Variants in DPF3 observed in about 807,000 individuals in gnomAD.
DPF3 encodes double PHD fingers 3, also known as zinc finger protein DPF3.
A neutral mutation model predicts 56.8 loss-of-function variants in DPF3; 18 were observed. That is an observed-to-expected ratio of 0.32 (90% CI 0.22 to 0.47). The LOEUF (loss-of-function observed/expected upper bound fraction) is 0.47. Among genes scored for constraint, DPF3 ranks in the 20% least tolerant of loss-of-function variants. DPF3 has a pLI of 1.00. For missense variants in DPF3, 403 were observed against 488.8 expected, an observed-to-expected ratio of 0.82 and a Z score of 1.65; for synonymous variants, 188 against 180.2, an observed-to-expected ratio of 1.04 and a Z score of -0.35.
chr14:72,743,792 G>A (rs191617874), intron 3 of DPF3, among the ~76,000 whole-genome samples: 15 of 152,282 alleles, frequency 9.9e-5, no homozygotes, highest in East Asian at 1.9e-4. Flanking sequence ...GAGATGGTCC[G>A]GGGGAGGCCC....
chr14:72,655,120 T>C (rs958375744), intron 8 of DPF3, among the ~76,000 whole-genome samples: 3 of 152,200 alleles, frequency 2.0e-5, no homozygotes, highest in Non-Finnish European at 4.4e-5. Context: ...ATATGTATGG[T>C]CCACAGAAAG....
intron 1 of DPF3, among the ~76,000 whole-genome samples, chr14:72,829,099 AC>A (rs779685275): frequency 1.8e-4 from 28 of 151,898 alleles, no homozygotes; most frequent in African/African-American, 6.3e-4. Context: ...TCTGGTAGAA[AC>A]CTCTTAGTCT....
intron 2 of DPF3, among the ~76,000 whole-genome samples, chr14:72,762,115 A>G (rs768915386): frequency 7.9e-5 from 12 of 151,904 alleles, no homozygotes; most frequent in Non-Finnish European, 1.5e-4. Flanking sequence ...GTTATAAAAT[A>G]TTTATGGAAG....
chr14:72,678,415 C>T (rs1254808431), intron 7 of DPF3, among the ~76,000 whole-genome samples: 1 of 152,162 alleles, frequency 6.6e-6, no homozygotes, highest in East Asian at 1.9e-4. Flanking sequence ...ATTTAATGTC[C>T]CTACTACAGT....
intron 3 of DPF3, among the ~76,000 whole-genome samples, chr14:72,740,400 G>A (rs544799655): frequency 7.9e-5 from 12 of 152,322 alleles, no homozygotes; most frequent in South Asian, 2.1e-4. Flanking sequence ...AATGTATGTC[G>A]TCTCTTAATG....
At chr14:72,754,100 G>A (rs929893977) in intron 2 of DPF3, among the ~76,000 whole-genome samples, 2 of 152,142 alleles carry the variant, frequency 1.3e-5, no homozygotes, top group African/African-American at 4.8e-5. Flanking sequence ...TCACTGTCAT[G>A]CCAAGCACCA....
At chr14:72,632,097 A>T (rs1344926021) in intron 8 of DPF3, among the ~76,000 whole-genome samples, 1 of 152,214 alleles carries the variant, frequency 6.6e-6, no homozygotes, top group Non-Finnish European at 1.5e-5. Flanking sequence ...CTGGAGAAGG[A>T]TTACAGGCAT....
rs1183505472 is a variant in DPF3 at position 72,613,012 on chromosome 14, G to GTGTGTGTC, written c.*6284_*6285insGACACACA. On this transcript the variant is annotated 3_prime_UTR_variant, in exon 11 of 11. Coordinates refer to ENST00000556509, the MANE Select transcript of DPF3 (RefSeq NM_001280542.3). ...GTAGGGCGTGTGTGTGTGTGTGTGTGTGTGTGTGTGTGTGTGTGTATGTGC... is the reference window on the plus strand; with the variant it reads ...GTAGGGCGTGTGTGTGTGTGTGTGTGTGTGTGTCTGTGTGTGTGTGTGTGTGTATGTGC... Among the ~76,000 whole-genome samples the GTGTGTGTC allele has an allele frequency of 3.0e-5, 4 of 135,436 alleles. No individual in the cohort carries two copies. The highest frequency in any genetic ancestry group is 1.3e-4 in the African/African-American group (4 of 31,292). 88.9% of individuals were successfully genotyped at this position (135,436 alleles called of 152,430 possible). A position where few individuals can be genotyped will look rare whatever the true frequency, so the allele number is the denominator to read the frequency against.
At chr14:72,876,319 C>T (rs1012220073) in intron 1 of DPF3, among the ~76,000 whole-genome samples, 2 of 152,148 alleles carry the variant, frequency 1.3e-5, no homozygotes, top group Non-Finnish European at 2.9e-5. Flanking sequence ...AAACCAAGGA[C>T]GGGGTCCAGT....
At chr14:72,841,042 A>C (rs932794757) in intron 1 of DPF3, among the ~76,000 whole-genome samples, 3 of 152,268 alleles carry the variant, frequency 2.0e-5, no homozygotes, top group African/African-American at 7.2e-5. Flanking sequence ...TCTGTAAAAT[A>C]AAATCATAAC....
chr14:72,696,777 A>G (rs893862213), intron 6 of DPF3, among the ~76,000 whole-genome samples: 4 of 152,268 alleles, frequency 2.6e-5, no homozygotes, highest in Admixed American at 2.6e-4. Flanking sequence ...AGTGGTCCCC[A>G]GACCAGCACC....
rs1018714029 is a variant in DPF3, at chr14:72,611,891, T to TA, written c.*7405dup. Among the ~76,000 whole-genome samples the TA allele has an allele frequency of 1.3e-5, 2 of 152,080 alleles. No individual in the cohort carries two copies. Among genetic ancestry groups the TA allele is most frequent in the African/African-American group, 4.8e-5 (2 of 41,406 alleles). On this transcript the variant is annotated 3_prime_UTR_variant, in exon 11 of 11. Transcript: ENST00000556509. ...CTCAACAGAGAAACCTACATATACT[T>TA]ACACCTTCCGTGATGGCGCGATACT...
Position 72,619,259 on chromosome 14 carries a change from G to A in DPF3, c.*38C>T, listed in dbSNP as rs1385175482. ...TGGTTTGAACTGGGCTCTGCTTTAG[G>A]ATCTCCAGCAGCGAGTCACATTCTG... On this transcript the variant is annotated 3_prime_UTR_variant, in exon 11 of 11. Transcript: ENST00000556509. 19 of 1,529,736 alleles carry A rather than the reference G, an allele frequency of 1.2e-5. No homozygotes were observed. The highest frequency in any genetic ancestry group is 1.6e-5 in the Non-Finnish European group (18 of 1,141,754). The allele number at this position is 1,529,736 out of a possible 1,614,324, so 94.8% of individuals were successfully genotyped here. A position where few individuals can be genotyped will look rare whatever the true frequency, so the allele number is the denominator to read the frequency against.
intron 7 of DPF3, among the ~76,000 whole-genome samples, chr14:72,689,324 C>G (rs896557295): frequency 9.9e-5 from 15 of 152,174 alleles, no homozygotes; most frequent in African/African-American, 3.1e-4. Context: ...GGCTGTTTTT[C>G]CATTAGGCCT....
intron 8 of DPF3, among the ~76,000 whole-genome samples, chr14:72,641,693 A>C (rs1885569791): frequency 6.6e-6 from 1 of 152,198 alleles, no homozygotes; most frequent in African/African-American, 2.4e-5. Flanking sequence ...GGCAGGCAGC[A>C]ATGTTGGTGG....
intron 3 of DPF3, among the ~76,000 whole-genome samples, chr14:72,743,006 G>A (rs1406478712): frequency 2.0e-5 from 3 of 152,162 alleles, no homozygotes; most frequent in Non-Finnish European, 4.4e-5. Context: ...GACACCTTAA[G>A]CCACTGTCGT....
At chr14:72,784,391 C>G (rs888555036) in intron 1 of DPF3, among the ~76,000 whole-genome samples, 1 of 152,172 alleles carries the variant, frequency 6.6e-6, no homozygotes, top group Non-Finnish European at 1.5e-5. Context: ...CTCAACACCT[C>G]TACATGCCAG....
intron 6 of DPF3, among the ~76,000 whole-genome samples, chr14:72,698,251 A>C (rs186819445): frequency 1.3e-5 from 2 of 152,350 alleles, no homozygotes; most frequent in Admixed American, 6.5e-5. Flanking sequence ...TAGAAACCAT[A>C]CTTCAAGGAC....
intron 8 of DPF3, among the ~76,000 whole-genome samples, chr14:72,652,321 G>T (rs561643818): frequency 2.0e-5 from 3 of 152,306 alleles, no homozygotes; most frequent in Admixed American, 2.0e-4. Flanking sequence ...CTCATTGGTG[G>T]TGGTGGGCTG....
Sources: allele counts gnomAD v4.1 joint callset (sites outside exome capture counted in the v4.1 genomes callset), GRCh38; gene constraint gnomAD v4.1.1; transcripts MANE v1.5; gene names NCBI Gene and HGNC (gene_info 2026-07-23, HGNC 2026-07-21).